The following KAZN variants were observed in gnomAD, a reference collection of about 807,000 sequenced individuals.
The protein encoded by KAZN is kazrin, periplakin interacting protein.
In KAZN, 40 loss-of-function variants were observed where a neutral mutation model predicts 87.4. The observed-to-expected ratio is 0.46, with a 90% confidence interval of 0.36 to 0.60. The LOEUF is 0.60. Ranked by LOEUF, KAZN falls within the 20% of genes least tolerant of loss-of-function variation. KAZN has a pLI of 0.00. For synonymous variants in KAZN, 466 were observed against 458.3 expected (o/e 1.02, Z -0.22); for missense variants, 898 against 1,073.9 (o/e 0.84, Z 2.29).
intron 1 of KAZN, among the ~76,000 whole-genome samples, chr1:14,897,020 A>G (rs1354509129): frequency 1.3e-5 from 2 of 152,156 alleles, no homozygotes; most frequent in African/African-American, 4.8e-5. Flanking sequence ...AAAAAAACAA[A>G]GGTGTTTATT....
intron 1 of KAZN, among the ~76,000 whole-genome samples, chr1:14,814,351 C>T (rs6691090): frequency 0.24 from 36,429 of 152,058 alleles, 4,719 homozygotes; most frequent in African/African-American, 0.32. Context: ...CTCAGCCTCC[C>T]GAGTATCTCC....
chr1:14,913,992 G>A (rs903093276), intron 1 of KAZN, among the ~76,000 whole-genome samples: 5 of 152,326 alleles, frequency 3.3e-5, no homozygotes, highest in East Asian at 1.9e-4. Context: ...CTGAAAACGC[G>A]ACCTTGCCAC....
chr1:14,728,287 TATAAAAAAAAAAA>T (rs1430083131), intron 1 of KAZN, among the ~76,000 whole-genome samples: 1 of 70,424 alleles, frequency 1.4e-5, no homozygotes, highest in Non-Finnish European at 2.6e-5. Context: ...ACACCGTATA[TATAAAAAAAAAAA>T]AAAAAAAAAA....
At chr1:14,079,680 A>G (rs565023402) in intron 1 of KAZN, among the ~76,000 whole-genome samples, 1 of 152,338 alleles carries the variant, frequency 6.6e-6, no homozygotes, top group South Asian at 2.1e-4. Context: ...AAAGCAAACT[A>G]TTTCGTGGGA....
chr1:15,025,981 C>T (rs952218712), intron 2 of KAZN, among the ~76,000 whole-genome samples: 4 of 152,142 alleles, frequency 2.6e-5, no homozygotes, highest in Non-Finnish European at 5.9e-5. Flanking sequence ...GCAGGTTAAA[C>T]TTTAACCTCT....
chr1:14,861,360 CAG>C (rs1440523789), intron 1 of KAZN, among the ~76,000 whole-genome samples: 1 of 152,162 alleles, frequency 6.6e-6, no homozygotes, highest in Non-Finnish European at 1.5e-5. Context: ...GCTTGGGTGA[CAG>C]AGTGAGAGCC....
At chr1:14,195,497 A>G (rs913850056) in intron 2 of KAZN, among the ~76,000 whole-genome samples, 1 of 140,042 alleles carries the variant, frequency 7.1e-6, no homozygotes, top group African/African-American at 2.7e-5. Flanking sequence ...AGGGATTCCA[A>G]TTACAAAAAC....
chr1:14,462,539 GT>G (rs1466424299), intron 2 of KAZN, among the ~76,000 whole-genome samples: 1 of 152,132 alleles, frequency 6.6e-6, no homozygotes, highest in Non-Finnish European at 1.5e-5. Flanking sequence ...GCCTGGGAGA[GT>G]TTTTGGCTTT....
chr1:14,948,871 A>G (rs1662135234), intron 1 of KAZN, among the ~76,000 whole-genome samples: 2 of 152,114 alleles, frequency 1.3e-5, no homozygotes, highest in Non-Finnish European at 2.9e-5. Context: ...AAATGTGCTC[A>G]TTAGGCCAGT....
rs952913450 is a variant in KAZN, at chr1:14,434,964, C to T, written c.250-164019C>T. 2.4e-4 allele frequency among the ~76,000 whole-genome samples: 36 copies of T among 152,164 alleles called. 1 individual carries two copies. The highest frequency in any genetic ancestry group is 1.3e-3 in the Admixed American group (20 of 15,286). On this transcript the variant is annotated intron_variant, in intron 2 of 16. Transcript: ENST00000636203. ...TCTGTGCAAAGAGGTCTCATCCTAT[C>T]CTGAGACGCAGGTGTGTACGAGGCT...
chr1:13,954,681 G>A (rs775957832), intron 1 of KAZN, among the ~76,000 whole-genome samples: 4 of 152,150 alleles, frequency 2.6e-5, no homozygotes, highest in Non-Finnish European at 5.9e-5. Flanking sequence ...AGAAAAGCAA[G>A]CATTCATCAC....
chr1:14,111,240 G>A (rs2101672943), intron 1 of KAZN, among the ~76,000 whole-genome samples: 1 of 134,576 alleles, frequency 7.4e-6, no homozygotes. Context: ...CAGCACACAC[G>A]CGGGCTGCAG....
chr1:14,593,614 T>C (rs958811645), intron 2 of KAZN, among the ~76,000 whole-genome samples: 10 of 152,196 alleles, frequency 6.6e-5, no homozygotes, highest in African/African-American at 2.2e-4. Flanking sequence ...CTTGGGGACT[T>C]ATCTCTCAAA....
At chr1:14,532,606 C>T (rs1172045533) in intron 2 of KAZN, among the ~76,000 whole-genome samples, 1 of 138,424 alleles carries the variant, frequency 7.2e-6, no homozygotes, top group African/African-American at 2.7e-5. Context: ...TCTCCTAATG[C>T]TATCCCTCCC....
chr1:14,669,942 A>T (rs1376604574), intron 1 of KAZN, among the ~76,000 whole-genome samples: 1 of 152,172 alleles, frequency 6.6e-6, no homozygotes, highest in Non-Finnish European at 1.5e-5. Flanking sequence ...AAGAAGTACA[A>T]ATCTGCCCTC....
intron 1 of KAZN, among the ~76,000 whole-genome samples, chr1:14,110,365 T>C (rs1465731905): frequency 1.3e-5 from 2 of 152,228 alleles, no homozygotes; most frequent in African/African-American, 4.8e-5. Flanking sequence ...CCACTTGCAA[T>C]GCAATTTTGT....
intron 1 of KAZN, among the ~76,000 whole-genome samples, chr1:14,957,784 C>A (rs1261472147): frequency 6.6e-6 from 1 of 152,210 alleles, no homozygotes; most frequent in Non-Finnish European, 1.5e-5. Flanking sequence ...TGAAGGAGGC[C>A]TCAGACAGGG....
chr1:14,684,715 C>G (rs894266784), intron 1 of KAZN, among the ~76,000 whole-genome samples: 37 of 152,176 alleles, frequency 2.4e-4, no homozygotes, highest in African/African-American at 8.9e-4. Context: ...CTCTCTGACT[C>G]TGCTTGCCTC....
At chr1:14,549,458 C>T (rs569015441) in intron 2 of KAZN, among the ~76,000 whole-genome samples, 2 of 152,228 alleles carry the variant, frequency 1.3e-5, no homozygotes, top group African/African-American at 2.4e-5. Flanking sequence ...CTTCTGGGCC[C>T]CCCCTTATCC....
Sources: gnomAD v4.1 joint callset for allele counts (sites outside exome capture counted in the v4.1 genomes callset) on GRCh38, gnomAD v4.1.1 for gene constraint, MANE v1.5 for transcripts, NCBI Gene and HGNC (gene_info 2026-07-23, HGNC 2026-07-21) for gene names.